Variants in CLIC5 observed in about 807,000 individuals in gnomAD.
CLIC5 encodes CLIC family member 5, also known as chloride intracellular channel protein 5.
Under a neutral mutation model 24.7 loss-of-function variants are expected in CLIC5, and 20 were observed. That is an observed-to-expected ratio of 0.81 (90% confidence interval 0.57 to 1.18). CLIC5 has a LOEUF of 1.18. Ranked by LOEUF, CLIC5 falls within the 50% of genes most tolerant of loss-of-function variation. CLIC5 has a pLI of 0.00. For missense variants in CLIC5, 341 were observed against 326.1 expected, an observed-to-expected ratio of 1.05 and a Z score of -0.35; for synonymous variants, 159 against 135.6, an observed-to-expected ratio of 1.17 and a Z score of -1.20.
chr6:46,040,270 GTGT>G lies in CLIC5; in HGVS notation c.540+39430_540+39432del, dbSNP rs374642545. On this transcript the variant is annotated intron_variant, in intron 1 of 5. Coordinates refer to the CLIC5 transcript ENST00000185206. ...GTGATGACACTGTTGTTTGTTGGTG[GTGT>G]TGTTGAAGACAACGCGATTGGTAGT... is the stretch of plus-strand genomic sequence containing the variant. 3.4e-4 allele frequency among the ~76,000 whole-genome samples: 52 copies of G among 152,268 alleles called. No homozygotes were observed. In the East Asian group the frequency reaches 8.1e-3, roughly 24 times the overall value.
chr6:46,061,575 C>T (rs988258657), intron 1 of CLIC5, among the ~76,000 whole-genome samples: 2 of 152,180 alleles, frequency 1.3e-5, no homozygotes, highest in African/African-American at 4.8e-5. Context: ...TTGCATTTGG[C>T]CTTAGAGACT....
chr6:46,075,469 C>T (rs560114611), intron 1 of CLIC5, among the ~76,000 whole-genome samples: 2 of 151,974 alleles, frequency 1.3e-5, no homozygotes, highest in South Asian at 2.1e-4. Flanking sequence ...CCTGTGGTCC[C>T]AGCTATTCTA....
At chr6:46,078,487 A>T (rs191333281) in intron 1 of CLIC5, among the ~76,000 whole-genome samples, 97 of 152,270 alleles carry the variant, frequency 6.4e-4, no homozygotes, top group Admixed American at 1.8e-3. Context: ...CAAACTCAGT[A>T]CACATCTCAG....
intron 1 of CLIC5, among the ~76,000 whole-genome samples, chr6:46,039,854 G>A (rs1384637064): frequency 6.6e-6 from 1 of 152,180 alleles, no homozygotes; most frequent in Admixed American, 6.6e-5. Flanking sequence ...AAAATGTTCA[G>A]TCTCAATAGC....
intron 4 of CLIC5, 21 bp from the exon 5 acceptor site, chr6:45,914,430 G>A (rs369433091): frequency 3.9e-6 from 6 of 1,542,718 alleles, no homozygotes; most frequent in Non-Finnish European, 4.4e-6. Context: ...AGAGTAAAAG[G>A]GCCTTTATTC....
chr6:46,049,046 A>C (rs1186248351), intron 1 of CLIC5, among the ~76,000 whole-genome samples: 1 of 152,226 alleles, frequency 6.6e-6, no homozygotes, highest in African/African-American at 2.4e-5. Flanking sequence ...TCCTGTTTGA[A>C]TATCCCCTGC....
chr6:45,917,913 C>T (rs1049340800), intron 4 of CLIC5, among the ~76,000 whole-genome samples: 3 of 152,222 alleles, frequency 2.0e-5, no homozygotes, highest in Admixed American at 2.0e-4. Flanking sequence ...GATATCCTCA[C>T]TCCACATAAT....
intron 1 of CLIC5, among the ~76,000 whole-genome samples, chr6:46,044,364 G>A (rs1767898506): frequency 6.6e-6 from 1 of 152,156 alleles, no homozygotes; most frequent in African/African-American, 2.4e-5. Context: ...CATAAAGAGG[G>A]GAGAACAAGG....
At chr6:46,106,992 G>T in the CLIC5 span, among the ~76,000 whole-genome samples, 1 of 151,998 alleles carries the variant, frequency 6.6e-6, no homozygotes, top group Non-Finnish European at 1.5e-5. Context: ...TTATATATAC[G>T]TGGGTACACA....
chr6:45,950,908 A>G (rs1428947073), intron 2 of CLIC5, among the ~76,000 whole-genome samples: 1 of 152,180 alleles, frequency 6.6e-6, no homozygotes, highest in Non-Finnish European at 1.5e-5. Context: ...ACATAAATCA[A>G]AAATCTCCTA....
chr6:45,956,471 T>G (rs1470153186), intron 1 of CLIC5, among the ~76,000 whole-genome samples: 2 of 31,516 alleles, frequency 6.3e-5, no homozygotes, highest in African/African-American at 2.4e-4. Flanking sequence ...GCTTACTGAG[T>G]TTTTTTTTTT....
intron 3 of CLIC5, among the ~76,000 whole-genome samples, chr6:45,947,823 G>C (rs916769858): frequency 1.3e-5 from 2 of 152,140 alleles, no homozygotes; most frequent in African/African-American, 4.8e-5. Flanking sequence ...TGTATGTGGG[G>C]CTGTCCTATT....
chr6:45,997,970 A>G (rs948275423), intron 1 of CLIC5, among the ~76,000 whole-genome samples: 1 of 152,230 alleles, frequency 6.6e-6, no homozygotes, highest in African/African-American at 2.4e-5. Context: ...CAGAGAGGCC[A>G]AGTGCCTTGA....
chr6:45,943,580 C>A (rs1764201868), intron 3 of CLIC5, among the ~76,000 whole-genome samples: 1 of 152,202 alleles, frequency 6.6e-6, no homozygotes, highest in African/African-American at 2.4e-5. Flanking sequence ...GCCAAGTGTT[C>A]TTTGTTTCTC....
chr6:46,050,916 AT>A (rs1240991299), intron 1 of CLIC5, among the ~76,000 whole-genome samples: 1 of 151,498 alleles, frequency 6.6e-6, no homozygotes, highest in East Asian at 1.9e-4. Flanking sequence ...AAAGGACAGA[AT>A]TTCTCAAACT....
intron 5 of CLIC5, among the ~76,000 whole-genome samples, chr6:45,908,467 T>C (rs1762722660): frequency 6.6e-6 from 1 of 152,212 alleles, no homozygotes; most frequent in Non-Finnish European, 1.5e-5. Context: ...TTTTGGTATG[T>C]TGTGTCTTTG....
intron 1 of CLIC5, among the ~76,000 whole-genome samples, chr6:46,026,249 G>A (rs985659465): frequency 1.3e-5 from 2 of 152,154 alleles, no homozygotes; most frequent in Non-Finnish European, 2.9e-5. Flanking sequence ...GGTGGGGGAA[G>A]CAATGTAAAA....
chr6:45,970,269 G>C (rs1410137831), intron 1 of CLIC5, among the ~76,000 whole-genome samples: 1 of 151,398 alleles, frequency 6.6e-6, no homozygotes, highest in African/African-American at 2.4e-5. Context: ...TATATCTTCT[G>C]CTTTAGAAGG....
intron 1 of CLIC5, among the ~76,000 whole-genome samples, chr6:46,063,881 C>T (rs1411096866): frequency 6.6e-6 from 1 of 152,166 alleles, no homozygotes; most frequent in Non-Finnish European, 1.5e-5. Flanking sequence ...GGATTAAATT[C>T]ATTCTATGTC....
Sources: allele counts gnomAD v4.1 joint callset (sites outside exome capture counted in the v4.1 genomes callset), GRCh38; gene constraint gnomAD v4.1.1; transcripts MANE v1.5; gene names NCBI Gene and HGNC (gene_info 2026-07-23, HGNC 2026-07-21).